Variants in PTPA observed in about 807,000 individuals in gnomAD.
PTPA encodes protein phosphatase 2 phosphatase activator, also known as serine/threonine-protein phosphatase 2A activator.
Under a neutral mutation model 43.6 loss-of-function variants are expected in PTPA, and 13 were observed. The ratio of observed to expected loss-of-function variants is 0.30; its 90% CI spans 0.19 to 0.47. PTPA has a LOEUF of 0.47. Among genes scored for constraint, PTPA ranks in the 20% least tolerant of loss-of-function variants. The pLI, the probability that PTPA is intolerant of heterozygous loss-of-function variation, is 0.99. For synonymous variants in PTPA, 172 were observed against 158.2 expected (o/e 1.09, Z -0.66); for missense variants, 329 against 411.9 (o/e 0.80, Z 1.74).
At chr9:129,129,753 G>A (rs906297386) in intron 4 of PTPA, among the ~76,000 whole-genome samples, 4 of 152,144 alleles carry the variant, frequency 2.6e-5, no homozygotes, top group African/African-American at 9.7e-5. Flanking sequence ...ACAGGTGTGA[G>A]CCACCACGCT....
chr9:129,142,744 C>T (rs1588536770), intron 9 of PTPA, 192 bp downstream of exon 9: 1 of 1,537,056 alleles, frequency 6.5e-7, no homozygotes, highest in Non-Finnish European at 8.7e-7. Flanking sequence ...GTCAGAGAAG[C>T]ACCAGCCACC....
intron 1 of PTPA, among the ~76,000 whole-genome samples, chr9:129,116,254 G>A (rs1368604037): frequency 1.3e-5 from 2 of 151,956 alleles, no homozygotes; most frequent in Middle Eastern, 3.4e-3. Context: ...GCGCGATCTC[G>A]GCTCACTGCA....
intron 1 of PTPA, among the ~76,000 whole-genome samples, chr9:129,112,944 C>CA (rs981057653): frequency 7.0e-6 from 1 of 142,578 alleles, no homozygotes; most frequent in African/African-American, 2.9e-5. Flanking sequence ...TCCGTCACCC[C>CA]CCAAAAAAAA....
chr9:129,139,784 TA>T (rs1850635251), intron 8 of PTPA: 1 of 151,868 alleles, frequency 6.6e-6, no homozygotes. Context: ...GGAGATTAAC[TA>T]AAACACCGAG....
intron 7 of PTPA, 89 bp downstream of exon 7, chr9:129,136,684 C>T (rs1034463504): frequency 1.1e-5 from 15 of 1,416,312 alleles, no homozygotes; most frequent in South Asian, 1.5e-5. Flanking sequence ...TCCCTCCTTC[C>T]CTTCTTCCTG....
At chr9:129,137,193 G>A (rs17459277) in intron 7 of PTPA, among the ~76,000 whole-genome samples, 2,403 of 152,270 alleles carry the variant, frequency 0.016, 58 homozygotes, top group East Asian at 0.12. Flanking sequence ...TTGTGGCCTC[G>A]GGTGCATTGC....
chr9:129,137,819 G>A (rs548254068), intron 8 of PTPA, 127 bp downstream of exon 8: 19 of 901,196 alleles, frequency 2.1e-5, no homozygotes, highest in Non-Finnish European at 2.9e-5. Flanking sequence ...GGCCGGAGCG[G>A]GTTATTGAAA....
intron 4 of PTPA, 97 bp from the exon 5 acceptor site, chr9:129,131,425 G>A: frequency 1.9e-6 from 2 of 1,038,848 alleles, no homozygotes; most frequent in Non-Finnish European, 3.0e-6. Context: ...GCCTGGCAAG[G>A]CAGTGTGGGC....
chr9:129,115,126 A>G (rs2541165), intron 1 of PTPA, among the ~76,000 whole-genome samples: 151,734 of 152,334 alleles, frequency 1, 75,574 homozygotes, highest in Middle Eastern at 1. Flanking sequence ...GATCTCACAC[A>G]TATAAAAGGG....
At chr9:129,122,789 C>T (rs1849332987) in intron 2 of PTPA, among the ~76,000 whole-genome samples, 1 of 152,250 alleles carries the variant, frequency 6.6e-6, no homozygotes, top group Non-Finnish European at 1.5e-5. Flanking sequence ...TGTAAAAAAA[C>T]TGCTGGCAGC....
At chr9:129,125,596 CA>C (rs11292476) in intron 3 of PTPA, among the ~76,000 whole-genome samples, 2,241 of 152,158 alleles carry the variant, frequency 0.015, 62 homozygotes, top group African/African-American at 0.052. Flanking sequence ...AGTGTGGTTA[CA>C]TGCTTGGGTT....
chr9:129,131,437 C>T, intron 4 of PTPA, 85 bp from the exon 5 acceptor site: 1 of 1,220,818 alleles, frequency 8.2e-7, no homozygotes, highest in Non-Finnish European at 1.2e-6. Flanking sequence ...AGTGTGGGCC[C>T]CCAGTCAGGT....
At chr9:129,146,657 G>T (rs892258787) in intron 9 of PTPA, among the ~76,000 whole-genome samples, 1 of 152,240 alleles carries the variant, frequency 6.6e-6, no homozygotes, top group Non-Finnish European at 1.5e-5. Context: ...AGGCATGGGG[G>T]TGCTGTTGCG....
At chr9:129,142,979 T>G in intron 9 of PTPA, 2 of 1,339,904 alleles carry the variant, frequency 1.5e-6, no homozygotes, top group Non-Finnish European at 9.9e-7. Flanking sequence ...CAAATGTTAG[T>G]GTGTATGATC....
At position 129,120,962 on chromosome 9, in the gene PTPA, G is replaced by A. The variant is rs191720356; in HGVS notation, c.129+352G>A. 8.5e-4 allele frequency among the ~76,000 whole-genome samples: 129 copies of A among 152,344 alleles called. 2 individuals carry two copies. The highest frequency in any genetic ancestry group is 2.4e-3 in the Admixed American group (37 of 15,300). On this transcript the variant is annotated intron_variant, in intron 2 of 9. Transcript: ENST00000393370. The stretch of plus-strand genomic sequence containing the variant: ...TTCTTGGCTGCAAGTAACAGCAAGT[G>A]TGGCAGCCAGTGCCTCAAGGGGAGA...
intron 6 of PTPA, among the ~76,000 whole-genome samples, chr9:129,136,079 T>G (rs2131600238): frequency 6.6e-6 from 1 of 152,330 alleles, no homozygotes; most frequent in African/African-American, 2.4e-5. Context: ...GCCATTCTCC[T>G]GCCTCAGCCT....
intron 6 of PTPA, among the ~76,000 whole-genome samples, chr9:129,135,238 C>G (rs370548830): frequency 6.6e-6 from 1 of 152,142 alleles, no homozygotes; most frequent in South Asian, 2.1e-4. Flanking sequence ...ACTAAAAATA[C>G]AAGAATTAGC....
At position 129,136,585 on chromosome 9, in the gene PTPA, G is replaced by A. The variant is rs773117020; in HGVS notation, c.675G>A (p.Ser225=). The A allele has an allele frequency of 8.2e-5, 132 of 1,612,590 alleles. No homozygotes were observed. The highest frequency in any genetic ancestry group is 4.0e-4 in the Admixed American group (24 of 59,880). Residue 225 remains serine (S), a synonymous_variant, in exon 7 of 10, where the codon TCG becomes TCA. Transcript: ENST00000393370. ...TTCTGCCCTTCATCTGGGGCAGTTC[G>A]CAGCTGATAGGTACTAGAGCGGGAG... ...FQFLPFIWGS[S]QLIDHPYLEP...
chr9:129,134,952 C>A, intron 6 of PTPA, 58 bp downstream of exon 6: 1 of 1,442,234 alleles, frequency 6.9e-7, no homozygotes. Context: ...CTGTTTCCTC[C>A]TCAAACTGGG....
Sources: gnomAD v4.1 joint callset for allele counts (sites outside exome capture counted in the v4.1 genomes callset) on GRCh38, gnomAD v4.1.1 for gene constraint, MANE v1.5 for transcripts, NCBI Gene and HGNC (gene_info 2026-07-23, HGNC 2026-07-21) for gene names.